BST1: variants seen among roughly 807,000 people sequenced by gnomAD.
BST1 encodes ADP-ribosyl cyclase/cyclic ADP-ribose hydrolase 2.
Under a neutral mutation model 40.6 loss-of-function variants are expected in BST1, and 49 were observed. That is an observed-to-expected ratio of 1.21 (90% CI 0.96 to 1.53). The LOEUF is 1.53. Ranked by LOEUF, BST1 falls within the 40% of genes most tolerant of loss-of-function variation. BST1 has a pLI of 0.00. For missense variants in BST1, 423 were observed against 395.9 expected (o/e 1.07, Z -0.58); for synonymous variants, 157 against 159.3 (o/e 0.99, Z 0.11).
chr4:15,730,955 A>G (rs1045573543), intron 8 of BST1: 1 of 382,992 alleles, frequency 2.6e-6, no homozygotes, highest in African/African-American at 2.1e-5. Flanking sequence ...ATTTATTCAA[A>G]TGTGCCTTAA....
chr4:15,737,767 T>G (rs4263397), downstream of BST1: 328,894 of 1,253,826 alleles, frequency 0.26, 50,504 homozygotes, highest in East Asian at 0.61. Flanking sequence ...GGTAACAAGG[T>G]ACTTTCTGAA....
chr4:15,735,905 C>T (rs770462841), downstream of BST1: 15 of 317,144 alleles, frequency 4.7e-5, no homozygotes, highest in East Asian at 9.3e-5. Context: ...ACTTTTTTCC[C>T]GAATATAAGA....
intron 6 of BST1, 32 bp downstream of exon 6, chr4:15,715,831 G>T (rs772983993): frequency 6.2e-6 from 9 of 1,447,808 alleles, no homozygotes; most frequent in Admixed American, 2.4e-5. Context: ...GATGATAATT[G>T]CACAAGTTTG....
chr4:15,744,019 G>A, the BST1 span, among the ~76,000 whole-genome samples: 1 of 152,174 alleles, frequency 6.6e-6, no homozygotes, highest in African/African-American at 2.4e-5. Context: ...TTCTTTCCTT[G>A]GGGGATGGGA....
intron 1 of BST1, among the ~76,000 whole-genome samples, chr4:15,705,245 G>A (rs533890808): frequency 1.3e-5 from 2 of 151,796 alleles, no homozygotes; most frequent in South Asian, 2.1e-4. Flanking sequence ...CCTCCTGCTC[G>A]GTGCCATTTC....
At position 15,703,320 on chromosome 4, in the gene BST1, GT is replaced by G; in HGVS notation, c.177del (p.Glu61SerfsTer69). 4 of 1,512,044 alleles carry G rather than the reference GT, an allele frequency of 2.6e-6. No homozygotes were observed. The highest frequency in any genetic ancestry group is 2.6e-6 in the Non-Finnish European group (3 of 1,138,038). The allele number at this position is 1,512,044 out of a possible 1,614,324, so 93.7% of individuals were successfully genotyped here. A position where few individuals can be genotyped will look rare whatever the true frequency, so the allele number is the denominator to read the frequency against. On this transcript the variant is annotated frameshift_variant, in exon 1 of 9. Coordinates refer to ENST00000265016, the MANE Select transcript of BST1 (RefSeq NM_004334.3). LOFTEE classifies it high-confidence loss of function. ...GRCAEYRALL[S>X]PEQRNKNCTA... is the part of the protein sequence containing the mutation. ...TGCGCCGAGTACCGCGCACTGCTGA[GT>G]CCCGAGCAGCGGTGAGGCAGTCGGC...
intron 8 of BST1, among the ~76,000 whole-genome samples, chr4:15,724,554 T>C (rs1291144728): frequency 1.3e-5 from 2 of 151,840 alleles, no homozygotes; most frequent in African/African-American, 4.8e-5. Flanking sequence ...GGAGTGGTGG[T>C]GCGTGCCTGT....
Position 15,732,029 on chromosome 4 carries a change from C to T in BST1, c.*184C>T. On this transcript the variant is annotated 3_prime_UTR_variant, in exon 9 of 9. Coordinates refer to ENST00000265016, the MANE Select transcript of BST1 (RefSeq NM_004334.3). ...GGATTTCAGAAACAAGAAGTTAGTTCTATTTAGCAGGTTAAAAAATGCTGC... is the reference window on the plus strand; with the variant it reads ...GGATTTCAGAAACAAGAAGTTAGTTTTATTTAGCAGGTTAAAAAATGCTGC... 1 of 1,305,484 alleles carries T rather than the reference C, an allele frequency of 7.7e-7. No individual in the cohort carries two copies. Among genetic ancestry groups the T allele is most frequent in the Non-Finnish European group, 9.7e-7 (1 of 1,026,934 alleles). 80.9% of individuals were successfully genotyped at this position (1,305,484 alleles called of 1,614,324 possible).
At chr4:15,729,414 G>A (rs543913092) in intron 8 of BST1, among the ~76,000 whole-genome samples, 22 of 152,232 alleles carry the variant, frequency 1.4e-4, no homozygotes, top group African/African-American at 2.4e-5. Context: ...CTGTAGTCAT[G>A]CCACTGCACT....
intron 3 of BST1, among the ~76,000 whole-genome samples, chr4:15,711,062 T>C (rs1239594685): frequency 6.6e-6 from 1 of 152,222 alleles, no homozygotes; most frequent in Non-Finnish European, 1.5e-5. Context: ...AATGCTGAGA[T>C]TACAGGCGTG....
intron 8 of BST1, among the ~76,000 whole-genome samples, chr4:15,728,604 C>G (rs1487270691): frequency 1.3e-5 from 2 of 150,128 alleles, no homozygotes; most frequent in Non-Finnish European, 3.0e-5. Context: ...AGGAGCAAGC[C>G]AGCACTACTG....
chr4:15,714,443 C>A (rs1367334970), intron 4 of BST1, among the ~76,000 whole-genome samples: 1 of 152,178 alleles, frequency 6.6e-6, no homozygotes, highest in Admixed American at 6.5e-5. Flanking sequence ...ACAGTAGAGC[C>A]CATGCCCCTC....
chr4:15,756,336 A>G, the BST1 span, among the ~76,000 whole-genome samples: 2 of 152,214 alleles, frequency 1.3e-5, no homozygotes, highest in African/African-American at 2.4e-5. Context: ...GGCTAGTCCT[A>G]TGAAGCGCCC....
At chr4:15,769,831 T>G in the BST1 span, among the ~76,000 whole-genome samples, 1 of 152,172 alleles carries the variant, frequency 6.6e-6, no homozygotes, top group African/African-American at 2.4e-5. Flanking sequence ...ATTTCCACTT[T>G]TAAAATGTAG....
chr4:15,721,333 A>C (rs1720797197), intron 7 of BST1, among the ~76,000 whole-genome samples: 1 of 152,120 alleles, frequency 6.6e-6, no homozygotes, highest in African/African-American at 2.4e-5. Flanking sequence ...GGCCTCCCTT[A>C]CCTTCTGGTT....
chr4:15,774,150 A>G, the BST1 span, among the ~76,000 whole-genome samples: 5 of 152,324 alleles, frequency 3.3e-5, no homozygotes, highest in African/African-American at 1.2e-4. Context: ...CCACGTGCAG[A>G]CAGAGTGAGA....
At chr4:15,732,914 T>C, downstream of BST1, 1 of 154,360 alleles carries the variant, frequency 6.5e-6, no homozygotes, top group Non-Finnish European at 1.4e-5. Context: ...TGTTCAGAGT[T>C]TGTTCCTTCA....
chr4:15,716,858 C>A (rs1171668525), intron 6 of BST1, among the ~76,000 whole-genome samples: 2 of 152,124 alleles, frequency 1.3e-5, no homozygotes, highest in Non-Finnish European at 2.9e-5. Context: ...TCACTGCAAC[C>A]TCCGCCTCCC....
At chr4:15,743,159 A>G (rs892120871), downstream of BST1, 1 of 158,722 alleles carries the variant, frequency 6.3e-6, no homozygotes, top group Non-Finnish European at 1.4e-5. Flanking sequence ...GTCAGAGGAA[A>G]CATCAAAATT....
Sources: gnomAD v4.1 joint callset for allele counts (sites outside exome capture counted in the v4.1 genomes callset) on GRCh38, gnomAD v4.1.1 for gene constraint, MANE v1.5 for transcripts, NCBI Gene and HGNC (gene_info 2026-07-23, HGNC 2026-07-21) for gene names.